Variants in FBXL17 observed in about 807,000 individuals in gnomAD.
FBXL17 encodes F-box/LRR-repeat protein 17.
FBXL17 carries 22 observed loss-of-function variants against 66.2 expected under a neutral mutation model. The ratio of observed to expected loss-of-function variants is 0.33; its 90% confidence interval spans 0.24 to 0.47. FBXL17 has a LOEUF of 0.47. FBXL17 is among the 20% of genes least tolerant of loss of function. The probability of loss-of-function intolerance (pLI) is 1.00; values close to 1 mark genes in which losing one functional copy is unlikely to be tolerated. For missense variants in FBXL17, 878 were observed against 948.2 expected (o/e 0.93, Z 0.97); for synonymous variants, 474 against 400.5 (o/e 1.18, Z -2.19).
intron 7 of FBXL17, among the ~76,000 whole-genome samples, chr5:107,980,003 G>C (rs1001366791): frequency 1.3e-5 from 2 of 152,020 alleles, no homozygotes; most frequent in Non-Finnish European, 2.9e-5. Context: ...ATCCTTTTTT[G>C]TTGGTGAAAG....
chr5:108,054,246 TAA>T (rs34035220), intron 6 of FBXL17, among the ~76,000 whole-genome samples: 64 of 146,026 alleles, frequency 4.4e-4, no homozygotes, highest in Non-Finnish European at 4.8e-4. Context: ...AAATAAAAAT[TAA>T]AAAAAAAAAA....
chr5:108,266,401 G>C (rs1757047204), intron 4 of FBXL17, among the ~76,000 whole-genome samples: 1 of 152,036 alleles, frequency 6.6e-6, no homozygotes, highest in Admixed American at 6.6e-5. Context: ...ATTCCACCCA[G>C]GTCATAAATC....
At chr5:108,120,716 G>A (rs908449606) in intron 6 of FBXL17, among the ~76,000 whole-genome samples, 6 of 152,102 alleles carry the variant, frequency 3.9e-5, no homozygotes, top group Middle Eastern at 6.8e-3. Context: ...GCCTGTAGTC[G>A]TAGCTACTCA....
At chr5:108,199,213 G>A (rs768764) in intron 5 of FBXL17, among the ~76,000 whole-genome samples, 3 of 151,912 alleles carry the variant, frequency 2.0e-5, no homozygotes, top group Admixed American at 1.3e-4. Context: ...AAAACATGAC[G>A]AAGATTTTTT....
chr5:107,874,086 C>T (rs917231034), intron 8 of FBXL17, among the ~76,000 whole-genome samples: 3 of 152,156 alleles, frequency 2.0e-5, no homozygotes, highest in African/African-American at 7.2e-5. Context: ...CAGGTCTTCA[C>T]TCTCTGCTCA....
In FBXL17 at chr5:108,382,067, G is replaced by A. The variant is rs1222387612; in HGVS notation, c.-376C>T. On this transcript the variant is annotated 5_prime_UTR_variant, in exon 1 of 9. Coordinates refer to ENST00000542267, the MANE Select transcript of FBXL17 (RefSeq NM_001163315.3). The stretch of plus-strand genomic sequence containing the variant: ...TCCCGCTCGGACCATTTTAACTGCG[G>A]ATCCGCCGCCGGCGCGCGCACCCGC... The A allele has an allele frequency of 2.9e-5, 21 of 723,312 alleles. No homozygotes were observed. The highest frequency in any genetic ancestry group is 3.1e-5 in the Non-Finnish European group (18 of 580,106). 44.8% of individuals were successfully genotyped at this position (723,312 alleles called of 1,614,324 possible). A position where few individuals can be genotyped will look rare whatever the true frequency, so the allele number is the denominator to read the frequency against.
intron 5 of FBXL17, among the ~76,000 whole-genome samples, chr5:108,196,441 G>T (rs1321338813): frequency 6.6e-6 from 1 of 152,108 alleles, no homozygotes; most frequent in Admixed American, 6.6e-5. Context: ...CTTTCACCAT[G>T]TTGTTAACCA....
chr5:108,035,611 C>T (rs981428999), intron 6 of FBXL17, among the ~76,000 whole-genome samples: 1 of 152,130 alleles, frequency 6.6e-6, no homozygotes, highest in Non-Finnish European at 1.5e-5. Flanking sequence ...AGGTGATCCA[C>T]CCGCCTCGGC....
intron 7 of FBXL17, among the ~76,000 whole-genome samples, chr5:108,000,401 CTG>C (rs1205914150): frequency 1.3e-5 from 2 of 152,172 alleles, no homozygotes; most frequent in Non-Finnish European, 2.9e-5. Context: ...CTATAAAAAA[CTG>C]AATTCTATTT....
intron 7 of FBXL17, among the ~76,000 whole-genome samples, chr5:107,956,224 T>C (rs1393687691): frequency 6.6e-6 from 1 of 152,202 alleles, no homozygotes; most frequent in Non-Finnish European, 1.5e-5. Context: ...CTTTAGAAAG[T>C]GATTCTCAAA....
intron 4 of FBXL17, among the ~76,000 whole-genome samples, chr5:108,285,723 C>G (rs571810250): frequency 1.3e-5 from 2 of 151,452 alleles, no homozygotes; most frequent in South Asian, 4.2e-4. Flanking sequence ...AGTGGGCTTA[C>G]AATATTCAGT....
At chr5:108,295,087 A>C (rs1758289631) in intron 4 of FBXL17, among the ~76,000 whole-genome samples, 1 of 152,014 alleles carries the variant, frequency 6.6e-6, no homozygotes, top group Non-Finnish European at 1.5e-5. Context: ...ACAACAAAAA[A>C]TATTTATATA....
rs1007753985 is a variant in FBXL17 at position 108,381,744 on chromosome 5, G to T, written c.-53C>A. 7.3e-7 allele frequency: 1 copy of T among 1,379,132 alleles called. No individual in the cohort carries two copies. The highest frequency in any genetic ancestry group is 3.6e-5 in the Admixed American group (1 of 27,842). The allele number at this position is 1,379,132 out of a possible 1,614,324, so 85.4% of individuals were successfully genotyped here. The stretch of plus-strand genomic sequence containing the variant: ...GACGGGAGGGAGGGAGACCCAGAGA[G>T]GCGGGCTCCCGGCAGCGGGGCAGGC... On this transcript the variant is annotated 5_prime_UTR_variant, in exon 1 of 9. Coordinates refer to ENST00000542267, the MANE Select transcript of FBXL17 (RefSeq NM_001163315.3).
intron 8 of FBXL17, chr5:107,879,027 G>A: frequency 3.0e-6 from 3 of 985,426 alleles, no homozygotes; most frequent in Non-Finnish European, 3.6e-6. Context: ...TTTAATTTTG[G>A]ACTAATTTGC....
chr5:108,361,570 G>A (rs1298809877), intron 3 of FBXL17, among the ~76,000 whole-genome samples: 1 of 151,982 alleles, frequency 6.6e-6, no homozygotes, highest in Non-Finnish European at 1.5e-5. Flanking sequence ...ATACACTGAG[G>A]CTGATTGTCC....
In FBXL17 at chr5:108,255,555, G is replaced by T. The variant is rs934473740; in HGVS notation, c.1507-31327C>A. On this transcript the variant is annotated intron_variant, in intron 4 of 8. Coordinates refer to ENST00000542267, the MANE Select transcript of FBXL17 (RefSeq NM_001163315.3). Reference sequence around the variant, plus strand: ...TTTCCTGGTTTATGGAAATTTAACAGAATTCTTTTGGGTTCATAATTAGGC... The same window carrying T: ...TTTCCTGGTTTATGGAAATTTAACATAATTCTTTTGGGTTCATAATTAGGC... Among the ~76,000 whole-genome samples the T allele has an allele frequency of 2.6e-5, 4 of 152,068 alleles. No homozygotes were observed. In the East Asian group the frequency reaches 7.7e-4, roughly 29 times the overall value.
intron 5 of FBXL17, among the ~76,000 whole-genome samples, chr5:108,197,078 A>G (rs1753709248): frequency 6.6e-6 from 1 of 151,694 alleles, no homozygotes; most frequent in Non-Finnish European, 1.5e-5. Context: ...CACAGTCTCT[A>G]ATTGAGTTTT....
intron 7 of FBXL17, among the ~76,000 whole-genome samples, chr5:107,943,709 C>A (rs1430854257): frequency 1.3e-5 from 2 of 152,130 alleles, no homozygotes; most frequent in African/African-American, 4.8e-5. Flanking sequence ...TCTGCCCACT[C>A]CTTTATGTAT....
At chr5:107,924,577 T>C (rs1326535449) in intron 7 of FBXL17, among the ~76,000 whole-genome samples, 3 of 152,212 alleles carry the variant, frequency 2.0e-5, no homozygotes, top group Admixed American at 6.5e-5. Flanking sequence ...AGGTTTGGCT[T>C]TGAGGCTGCC....
Sources: allele counts gnomAD v4.1 joint callset (sites outside exome capture counted in the v4.1 genomes callset), GRCh38; gene constraint gnomAD v4.1.1; transcripts MANE v1.5; gene names NCBI Gene and HGNC (gene_info 2026-07-23, HGNC 2026-07-21).